Variants in DYNC1H1 observed in about 807,000 individuals in gnomAD.
The protein encoded by DYNC1H1 is cytoplasmic dynein 1 heavy chain 1.
Under a neutral mutation model 527.1 loss-of-function variants are expected in DYNC1H1, and 51 were observed. The observed-to-expected ratio is 0.10, with a 90% CI of 0.08 to 0.12. The LOEUF is 0.12. DYNC1H1 is among the 10% of genes least tolerant of loss of function. DYNC1H1 has a pLI of 1.00. For synonymous variants in DYNC1H1, 2,189 were observed against 2,278.8 expected (o/e 0.96, Z 1.12); for missense variants, 2,771 against 5,971.8 (o/e 0.46, Z 17.66).
In DYNC1H1 at chr14:102,049,321, G is replaced by A; in HGVS notation, c.13373-119G>A. 1.4e-6 allele frequency: 2 copies of A among 1,462,308 alleles called. No individual in the cohort carries two copies. The highest frequency in any genetic ancestry group is 1.2e-5 in the South Asian group (1 of 84,578). 90.6% of individuals were successfully genotyped at this position (1,462,308 alleles called of 1,614,324 possible). A position where few individuals can be genotyped will look rare whatever the true frequency, so the allele number is the denominator to read the frequency against. On this transcript the variant is annotated intron_variant, in intron 74 of 77. Coordinates refer to ENST00000360184, the MANE Select transcript of DYNC1H1 (RefSeq NM_001376.5). The surrounding 1 kb of genome is among the most constrained non-coding windows in gnomAD (Gnocchi z 5.5). ...AAGTGCAGCCTGGGAAAGGCAGTAG[G>A]TGGAGCCGCCAGCCGCCTGTGTGGG... is the stretch of plus-strand genomic sequence containing the variant.
chr14:102,026,915 C>T (rs983324299), intron 44 of DYNC1H1: 1 of 797,242 alleles, frequency 1.3e-6, no homozygotes, highest in East Asian at 2.7e-5. Flanking sequence ...TCCCCCAGCA[C>T]TGCATACCTG....
rs1321575462 is a variant in DYNC1H1, at chr14:102,017,044, A to G, written c.7849-44A>G. On this transcript the variant is annotated intron_variant, in intron 38 of 77. Transcript: ENST00000360184. The surrounding 1 kb of genome is among the most constrained non-coding windows in gnomAD (Gnocchi z 4.6). ...GGCAGCAGACCTTTTGGTGCTGAGCATGGGGTTGGTCTTACAGTGTGGTTT... is the reference window on the plus strand; with the variant it reads ...GGCAGCAGACCTTTTGGTGCTGAGCGTGGGGTTGGTCTTACAGTGTGGTTT... The G allele has an allele frequency of 1.2e-6, 2 of 1,614,092 alleles. No individual in the cohort carries two copies. The highest frequency in any genetic ancestry group is 1.7e-5 in the Admixed American group (1 of 60,010).
chr14:102,042,441 G>A lies in DYNC1H1; in HGVS notation c.12333G>A (p.Lys4111=), dbSNP rs373520665. ...LAPGWLMQLE[K]KLHSLQPHAC... ...CAGGGTGGCTGATGCAGCTGGAGAAGAAGTTGCATTCCCTGCAGCCGCATG... is the reference window on the plus strand; with the variant it reads ...CAGGGTGGCTGATGCAGCTGGAGAAAAAGTTGCATTCCCTGCAGCCGCATG... The change falls in exon 68 of 78, where the codon AAG becomes AAA. Residue 4111 remains lysine (K), a synonymous_variant. Transcript: ENST00000360184. This position sits in a 1 kb window ranked among gnomAD's most constrained non-coding sequence, Gnocchi z 5.7. 3.3e-5 allele frequency: 54 copies of A among 1,614,184 alleles called. No homozygotes were observed. The African/African-American group carries it at 6.7e-4, about 20-fold the overall frequency.
Position 101,965,056 on chromosome 14 carries a change from C to A in DYNC1H1, c.256+109C>A. Reference sequence around the variant, plus strand: ...CCCCGGGATGGGAGGAGCCCGGCAGCTGCAGATGACCCCTGGATGGGCAGA... The same window carrying A: ...CCCCGGGATGGGAGGAGCCCGGCAGATGCAGATGACCCCTGGATGGGCAGA... On this transcript the variant is annotated intron_variant, in intron 1 of 77. Coordinates refer to ENST00000360184, the MANE Select transcript of DYNC1H1 (RefSeq NM_001376.5). This position sits in a 1 kb window ranked among gnomAD's most constrained non-coding sequence, Gnocchi z 4.1. 1 of 1,225,590 alleles carries A rather than the reference C, an allele frequency of 8.2e-7. No homozygotes were observed. Among genetic ancestry groups the A allele is most frequent in the Non-Finnish European group, 1.1e-6 (1 of 892,008 alleles). 75.9% of individuals were successfully genotyped at this position (1,225,590 alleles called of 1,614,324 possible). A position where few individuals can be genotyped will look rare whatever the true frequency, so the allele number is the denominator to read the frequency against.
At position 102,055,789 on chromosome 14, in the gene DYNC1H1, C is replaced by G. The variant is rs1048169393; in HGVS notation, c.*5226C>G. 6.6e-6 allele frequency: 1 copy of G among 152,508 alleles called. No homozygotes were observed. Among genetic ancestry groups the G allele is most frequent in the African/African-American group, 2.4e-5 (1 of 41,464 alleles). 9.4% of individuals were successfully genotyped at this position (152,508 alleles called of 1,614,324 possible). A position where few individuals can be genotyped will look rare whatever the true frequency, so the allele number is the denominator to read the frequency against. On this transcript the variant is annotated 3_prime_UTR_variant, in exon 78 of 78. Coordinates refer to ENST00000360184, the MANE Select transcript of DYNC1H1 (RefSeq NM_001376.5). Reference sequence around the variant, plus strand: ...GGCAGCTGATTAGCAAACTCTGACTCTAACCTCAAAACATGTCCAGAATTC... The same window carrying G: ...GGCAGCTGATTAGCAAACTCTGACTGTAACCTCAAAACATGTCCAGAATTC...
In DYNC1H1 at chr14:102,036,198, C is replaced by T. The variant is rs1481726463; in HGVS notation, c.10755-291C>T. The T allele has an allele frequency of 7.4e-5, 29 of 394,148 alleles. No individual in the cohort carries two copies. In the East Asian group the frequency reaches 1.6e-3, roughly 22 times the overall value. The allele number at this position is 394,148 out of a possible 1,614,324, so 24.4% of individuals were successfully genotyped here. The stretch of plus-strand genomic sequence containing the variant: ...ACATGAAAAAGCTATTCTAACAGTG[C>T]AGGATGCTGAGAGGATGATTGTCCC... On this transcript the variant is annotated intron_variant, in intron 56 of 77. Coordinates refer to ENST00000360184, the MANE Select transcript of DYNC1H1 (RefSeq NM_001376.5). The surrounding 1 kb of genome is among the most constrained non-coding windows in gnomAD (Gnocchi z 5.6).
At position 102,039,874 on chromosome 14, in the gene DYNC1H1, G is replaced by C; in HGVS notation, c.11690+142G>C. On this transcript the variant is annotated intron_variant, in intron 62 of 77. Coordinates refer to ENST00000360184, the MANE Select transcript of DYNC1H1 (RefSeq NM_001376.5). The surrounding 1 kb of genome is among the most constrained non-coding windows in gnomAD (Gnocchi z 7.0). The stretch of plus-strand genomic sequence containing the variant: ...ATTTTTTGAGACGGAGTCTCCCTTT[G>C]TTGCCTAGGCTGGAGTGCCGTGGTG... 8.7e-7 allele frequency: 1 copy of C among 1,146,350 alleles called. No homozygotes were observed. Among genetic ancestry groups the C allele is most frequent in the East Asian group, 2.6e-5 (1 of 39,010 alleles). 71.0% of individuals were successfully genotyped at this position (1,146,350 alleles called of 1,614,324 possible).
intron 1 of DYNC1H1, among the ~76,000 whole-genome samples, chr14:101,967,984 G>A (rs1213045783): frequency 6.6e-6 from 1 of 152,244 alleles, no homozygotes; most frequent in Non-Finnish European, 1.5e-5. Flanking sequence ...TTCCTGGCCT[G>A]TAGGAAATTG....
intron 16 of DYNC1H1, among the ~76,000 whole-genome samples, chr14:101,998,581 C>T (rs367805305): frequency 1.3e-5 from 2 of 152,148 alleles, no homozygotes; most frequent in East Asian, 3.9e-4. Context: ...TGTAAGTTTC[C>T]CACAGTAGGC....
chr14:101,982,909 C>T, intron 5 of DYNC1H1, 110 bp from the exon 6 acceptor site: 2 of 1,294,956 alleles, frequency 1.5e-6, no homozygotes, highest in Non-Finnish European at 2.2e-6. Flanking sequence ...TAGTTTTTGT[C>T]TCGCTAGATA....
rs1308901376 is a variant in DYNC1H1 at position 102,044,105 on chromosome 14, G to A, written c.12684+60G>A. 3.1e-6 allele frequency: 5 copies of A among 1,603,566 alleles called. No individual in the cohort carries two copies. Among genetic ancestry groups the A allele is most frequent in the Non-Finnish European group, 4.2e-6 (5 of 1,177,928 alleles). ...GTGTATCTGGGAAGGATGCTGCAGG[G>A]CGTGGTGCTGAGAGGCCAGACTCTG... On this transcript the variant is annotated intron_variant, in intron 70 of 77. Coordinates refer to ENST00000360184, the MANE Select transcript of DYNC1H1 (RefSeq NM_001376.5). This position sits in a 1 kb window ranked among gnomAD's most constrained non-coding sequence, Gnocchi z 7.1.
chr14:102,026,807 C>G, intron 44 of DYNC1H1, 100 bp downstream of exon 44: 1 of 1,519,034 alleles, frequency 6.6e-7, no homozygotes, highest in Non-Finnish European at 9.0e-7. Context: ...CCTACCACCT[C>G]CACCTCAGCC....
intron 1 of DYNC1H1, among the ~76,000 whole-genome samples, chr14:101,970,002 A>T (rs1032307578): frequency 2.0e-5 from 3 of 152,174 alleles, no homozygotes; most frequent in African/African-American, 7.2e-5. Context: ...CTAAAAACTC[A>T]TCTCTGCAGT....
In DYNC1H1 at chr14:102,042,558, G is replaced by A. The variant is rs377539512; in HGVS notation, c.12399+51G>A. Reference sequence around the variant, plus strand: ...TTGCAGGCTGGCCTGGCACTGTGCTGTCGGCACGTGTGTGGTGGAATTGAA... The same window carrying A: ...TTGCAGGCTGGCCTGGCACTGTGCTATCGGCACGTGTGTGGTGGAATTGAA... On this transcript the variant is annotated intron_variant, in intron 68 of 77. Transcript: ENST00000360184. The surrounding 1 kb of genome is among the most constrained non-coding windows in gnomAD (Gnocchi z 5.7). 6.2e-7 allele frequency: 1 copy of A among 1,613,790 alleles called. No homozygotes were observed.
At chr14:102,032,713 C>T (rs1010116977) in intron 52 of DYNC1H1, 4 of 598,006 alleles carry the variant, frequency 6.7e-6, no homozygotes, top group South Asian at 5.8e-5. Flanking sequence ...ATGAGCTGGG[C>T]GGGGTGGCAT....
intron 1 of DYNC1H1, among the ~76,000 whole-genome samples, chr14:101,970,933 G>C (rs534427635): frequency 6.6e-6 from 1 of 152,254 alleles, no homozygotes; most frequent in South Asian, 2.1e-4. Flanking sequence ...AGAAAGTTTG[G>C]AAGGAAGAGT....
At chr14:102,006,852 G>A (rs112755037) in intron 27 of DYNC1H1, among the ~76,000 whole-genome samples, 156 bp from the exon 28 acceptor site, 23 of 152,184 alleles carry the variant, frequency 1.5e-4, no homozygotes, top group African/African-American at 5.3e-4. Context: ...TGCCTGCCTC[G>A]GCCTCCCGAA....
chr14:101,997,670 G>T lies in DYNC1H1; in HGVS notation c.3804+396G>T, dbSNP rs1315876933. 1.3e-5 allele frequency among the ~76,000 whole-genome samples: 2 copies of T among 152,162 alleles called. No homozygotes were observed. Among genetic ancestry groups the T allele is most frequent in the African/African-American group, 4.8e-5 (2 of 41,428 alleles). On this transcript the variant is annotated intron_variant, in intron 16 of 77. Transcript: ENST00000360184. The surrounding 1 kb of genome is among the most constrained non-coding windows in gnomAD (Gnocchi z 4.8). ...CTGCCAGTGGATTGTGGGGAGGCAG[G>T]TTCTGTTGTCTTCGTCATTGTAGCC...
chr14:102,044,808 G>C lies in DYNC1H1; in HGVS notation c.13006+110G>C, dbSNP rs2152598088. 1 of 1,293,054 alleles carries C rather than the reference G, an allele frequency of 7.7e-7. No homozygotes were observed. The highest frequency in any genetic ancestry group is 2.4e-5 in the East Asian group (1 of 41,118). The allele number at this position is 1,293,054 out of a possible 1,614,324, so 80.1% of individuals were successfully genotyped here. A position where few individuals can be genotyped will look rare whatever the true frequency, so the allele number is the denominator to read the frequency against. ...AGGGTGAGTGTGCACTGCTGTCCCAGGGCCCTCCCTGGTTATGCTGGGTGT... is the reference window on the plus strand; with the variant it reads ...AGGGTGAGTGTGCACTGCTGTCCCACGGCCCTCCCTGGTTATGCTGGGTGT... On this transcript the variant is annotated intron_variant, in intron 72 of 77. Transcript: ENST00000360184. This position sits in a 1 kb window ranked among gnomAD's most constrained non-coding sequence, Gnocchi z 7.1.
Sources: allele counts gnomAD v4.1 joint callset (sites outside exome capture counted in the v4.1 genomes callset), GRCh38; gene constraint gnomAD v4.1.1; non-coding constraint Gnocchi (gnomAD v3.1); transcripts MANE v1.5; gene names NCBI Gene and HGNC (gene_info 2026-07-23, HGNC 2026-07-21).